The following WWC2 variants were observed in gnomAD, a reference collection of about 807,000 sequenced individuals.
The protein encoded by WWC2 is WW and C2 domain containing 2, also known as protein WWC2.
Under a neutral mutation model 138.5 loss-of-function variants are expected in WWC2, and 101 were observed. That is an observed-to-expected ratio of 0.73 (90% CI 0.62 to 0.86). The LOEUF (loss-of-function observed/expected upper bound fraction) is 0.86. WWC2 is among the 40% of genes least tolerant of loss of function. The pLI, the probability that WWC2 is intolerant of heterozygous loss-of-function variation, is 0.00. For synonymous variants in WWC2, 558 were observed against 538.4 expected (o/e 1.04, Z -0.50); for missense variants, 1,420 against 1,419.4 (o/e 1.00, Z -0.01).
Position 183,167,501 on chromosome 4 carries a change from C to G in WWC2, c.132-26098C>G, listed in dbSNP as rs1734159439. On this transcript the variant is annotated intron_variant, in intron 1 of 22. Coordinates refer to ENST00000403733, the MANE Select transcript of WWC2 (RefSeq NM_024949.6). ...ATCTCCCAGTCTGCTTGGGTCAGCC[C>G]CAGTTTACTCCGGATGTCCTGATGT... is the stretch of plus-strand genomic sequence containing the variant. Among the ~76,000 whole-genome samples, 3 of 152,020 alleles carry G rather than the reference C, an allele frequency of 2.0e-5. No homozygotes were observed. In the South Asian group the frequency reaches 6.2e-4, roughly 32 times the overall value.
At chr4:183,244,918 A>T (rs1481766801) in intron 5 of WWC2, among the ~76,000 whole-genome samples, 1 of 152,096 alleles carries the variant, frequency 6.6e-6, no homozygotes, top group African/African-American at 2.4e-5. Flanking sequence ...TTGAGCCCAA[A>T]AGTGATTAGA....
intron 4 of WWC2, among the ~76,000 whole-genome samples, chr4:183,214,741 G>A (rs1483952642): frequency 6.6e-6 from 1 of 151,300 alleles, no homozygotes; most frequent in African/African-American, 2.4e-5. Flanking sequence ...GCGGTGAGCC[G>A]AGATTGCACC....
chr4:183,120,358 A>G (rs1732560846), intron 1 of WWC2, among the ~76,000 whole-genome samples: 1 of 152,350 alleles, frequency 6.6e-6, no homozygotes, highest in Non-Finnish European at 1.5e-5. Flanking sequence ...AAAGATCTCT[A>G]CTGTGATTAT....
chr4:183,110,734 CTAAG>C (rs1174088813), intron 1 of WWC2, among the ~76,000 whole-genome samples: 3 of 152,146 alleles, frequency 2.0e-5, no homozygotes, highest in Non-Finnish European at 4.4e-5. Context: ...TCACTTTTAA[CTAAG>C]TAAGTGTCCC....
intron 21 of WWC2, among the ~76,000 whole-genome samples, chr4:183,304,387 A>G (rs1738959027): frequency 6.6e-6 from 1 of 152,110 alleles, no homozygotes; most frequent in Non-Finnish European, 1.5e-5. Context: ...GGCTCTCCAC[A>G]CTTTTGTTAG....
Position 183,316,523 on chromosome 4 carries a change from G to A in WWC2, c.*794G>A, listed in dbSNP as rs1419912517. Reference sequence around the variant, plus strand: ...GCAGCTGGTTTGTCTCACTCAGCCTGAATTTGCATTAAGTGTTCAAAAGTG... The same window carrying A: ...GCAGCTGGTTTGTCTCACTCAGCCTAAATTTGCATTAAGTGTTCAAAAGTG... On this transcript the variant is annotated 3_prime_UTR_variant, in exon 23 of 23. Coordinates refer to ENST00000403733, the MANE Select transcript of WWC2 (RefSeq NM_024949.6). 1 of 152,202 alleles carries A rather than the reference G, an allele frequency of 6.6e-6. No individual in the cohort carries two copies. Among genetic ancestry groups the A allele is most frequent in the Non-Finnish European group, 1.5e-5 (1 of 68,040 alleles). 9.4% of individuals were successfully genotyped at this position (152,202 alleles called of 1,614,324 possible). A position where few individuals can be genotyped will look rare whatever the true frequency, so the allele number is the denominator to read the frequency against.
intron 9 of WWC2, among the ~76,000 whole-genome samples, chr4:183,256,653 A>G (rs1028598517): frequency 5.3e-5 from 8 of 152,190 alleles, no homozygotes; most frequent in African/African-American, 1.7e-4. Flanking sequence ...CAGTTTCATC[A>G]TAGAACAGAT....
chr4:183,216,323 G>A (rs1735753134), intron 4 of WWC2, among the ~76,000 whole-genome samples: 1 of 152,070 alleles, frequency 6.6e-6, no homozygotes, highest in African/African-American at 2.4e-5. Context: ...AAGATGTAAG[G>A]GAATAAAATT....
At chr4:183,271,589 A>G (rs1737696950) in intron 16 of WWC2, among the ~76,000 whole-genome samples, 1 of 152,230 alleles carries the variant, frequency 6.6e-6, no homozygotes, top group South Asian at 2.1e-4. Flanking sequence ...ACATTGTTTG[A>G]TTCCACTGTC....
chr4:183,186,008 C>T (rs375647121), intron 1 of WWC2, among the ~76,000 whole-genome samples: 168 of 144,536 alleles, frequency 1.2e-3, no homozygotes, highest in African/African-American at 4.0e-3. Flanking sequence ...AGTGCAATGG[C>T]GCAACCTCGG....
At chr4:183,196,317 G>A (rs1449145144) in intron 2 of WWC2, among the ~76,000 whole-genome samples, 1 of 152,158 alleles carries the variant, frequency 6.6e-6, no homozygotes, top group Non-Finnish European at 1.5e-5. Context: ...TCTTGTCTCT[G>A]TGACTTGCCA....
intron 1 of WWC2, among the ~76,000 whole-genome samples, chr4:183,169,629 A>C (rs1452321950): frequency 2.0e-5 from 3 of 152,092 alleles, no homozygotes; most frequent in Admixed American, 1.3e-4. Flanking sequence ...CCCTGTAAAA[A>C]ATATGATTTT....
At chr4:183,103,638 CTTTTTT>C (rs576659490) in intron 1 of WWC2, among the ~76,000 whole-genome samples, 2 of 120,290 alleles carry the variant, frequency 1.7e-5, no homozygotes, top group African/African-American at 3.1e-5. Flanking sequence ...TTGTGTTTCT[CTTTTTT>C]TTTTTTTTTT....
intron 1 of WWC2, among the ~76,000 whole-genome samples, chr4:183,164,012 A>T (rs1734035143): frequency 1.3e-5 from 2 of 152,000 alleles, no homozygotes; most frequent in South Asian, 4.1e-4. Flanking sequence ...GGATTGACTC[A>T]ATTTAACAAA....
At chr4:183,211,423 T>C (rs530751754) in intron 4 of WWC2, among the ~76,000 whole-genome samples, 21 of 152,364 alleles carry the variant, frequency 1.4e-4, no homozygotes, top group African/African-American at 5.1e-4. Flanking sequence ...TTGAACACTT[T>C]GTCATCCTAG....
chr4:183,118,692 G>A (rs920936912), intron 1 of WWC2, among the ~76,000 whole-genome samples: 13 of 152,132 alleles, frequency 8.5e-5, no homozygotes, highest in African/African-American at 2.7e-4. Flanking sequence ...CATAATTATC[G>A]TGGTGAAGGG....
chr4:183,297,103 T>C (rs1738657389), intron 21 of WWC2, among the ~76,000 whole-genome samples: 1 of 151,920 alleles, frequency 6.6e-6, no homozygotes, highest in African/African-American at 2.4e-5. Flanking sequence ...GTTTCCTGAG[T>C]AGCTGGGACC....
intron 1 of WWC2, among the ~76,000 whole-genome samples, chr4:183,142,808 G>A (rs1234317773): frequency 1.3e-5 from 2 of 152,146 alleles, no homozygotes; most frequent in East Asian, 3.8e-4. Context: ...GTTACCCAAG[G>A]GCATTAGGGT....
At chr4:183,197,491 A>G (rs1735176867) in intron 2 of WWC2, among the ~76,000 whole-genome samples, 1 of 152,238 alleles carries the variant, frequency 6.6e-6, no homozygotes. Context: ...TATTTCTAAG[A>G]AACACTATTG....
Sources: gnomAD v4.1 joint callset for allele counts (sites outside exome capture counted in the v4.1 genomes callset) on GRCh38, gnomAD v4.1.1 for gene constraint, MANE v1.5 for transcripts, NCBI Gene and HGNC (gene_info 2026-07-23, HGNC 2026-07-21) for gene names.